ABCC4: variants seen among roughly 807,000 people sequenced by gnomAD.
The protein encoded by ABCC4 is ATP-binding cassette sub-family C member 4.
Under a neutral mutation model 168.5 loss-of-function variants are expected in ABCC4, and 102 were observed. The observed-to-expected ratio is 0.61, with a 90% CI of 0.52 to 0.71. The LOEUF (loss-of-function observed/expected upper bound fraction) is 0.71. ABCC4 is among the 30% of genes least tolerant of loss of function. The pLI is 0.00. For synonymous variants in ABCC4, 617 were observed against 590.7 expected, an observed-to-expected ratio of 1.04 and a Z score of -0.65; for missense variants, 1,402 against 1,605.8, an observed-to-expected ratio of 0.87 and a Z score of 2.17.
chr13:95,116,042 T>C (rs1163226235), intron 19 of ABCC4, 41 bp from the exon 20 acceptor site: 9 of 1,456,920 alleles, frequency 6.2e-6, no homozygotes, highest in East Asian at 2.3e-5. Context: ...TTTCCCCAGA[T>C]AGACCCTTTA....
chr13:95,276,470 G>A (rs2040973662), intron 1 of ABCC4, among the ~76,000 whole-genome samples: 1 of 143,990 alleles, frequency 6.9e-6, no homozygotes, highest in Admixed American at 7.1e-5. Flanking sequence ...TCATACCACT[G>A]CACACTAGCC....
intron 4 of ABCC4, among the ~76,000 whole-genome samples, chr13:95,222,892 C>T (rs2039346071): frequency 6.6e-6 from 1 of 152,118 alleles, no homozygotes; most frequent in Non-Finnish European, 1.5e-5. Context: ...GGGCAGAGGC[C>T]ACAGATGCTG....
At position 95,301,379 on chromosome 13, in the gene ABCC4, G is replaced by C. The variant is rs1441686540; in HGVS notation, c.-65C>G. 3 of 1,421,532 alleles carry C rather than the reference G, an allele frequency of 2.1e-6. No individual in the cohort carries two copies. The highest frequency in any genetic ancestry group is 2.8e-6 in the Non-Finnish European group (3 of 1,053,104). The allele number at this position is 1,421,532 out of a possible 1,614,324, so 88.1% of individuals were successfully genotyped here. ...TCAGGCGGCGGTGGCCGCGGGCTCC[G>C]CTCCTGGACCTCAAGCAGGGATGCT... On this transcript the variant is annotated 5_prime_UTR_variant, in exon 1 of 31. Coordinates refer to ENST00000645237, the MANE Select transcript of ABCC4 (RefSeq NM_005845.5).
chr13:95,173,741 GC>G (rs2037562484), intron 13 of ABCC4, among the ~76,000 whole-genome samples: 1 of 152,166 alleles, frequency 6.6e-6, no homozygotes, highest in African/African-American at 2.4e-5. Flanking sequence ...AATGTTTGTG[GC>G]CCTCCCCAAA....
chr13:95,088,436 T>C (rs1398377891), intron 20 of ABCC4, among the ~76,000 whole-genome samples: 1 of 152,164 alleles, frequency 6.6e-6, no homozygotes, highest in Admixed American at 6.5e-5. Context: ...CTATAGCCAA[T>C]AACTGCATAA....
intron 11 of ABCC4, among the ~76,000 whole-genome samples, chr13:95,185,258 A>G (rs2038022070): frequency 6.6e-6 from 1 of 152,206 alleles, no homozygotes; most frequent in Non-Finnish European, 1.5e-5. Flanking sequence ...AGACAGAGAA[A>G]AAAAAATAAG....
At chr13:95,159,370 C>T (rs2037010909) in intron 19 of ABCC4, among the ~76,000 whole-genome samples, 1 of 151,758 alleles carries the variant, frequency 6.6e-6, no homozygotes, top group Non-Finnish European at 1.5e-5. Context: ...CTTATTTGGG[C>T]TTCTATTTTG....
At chr13:95,074,354 G>A (rs1233338052) in intron 22 of ABCC4, 30 bp from the exon 23 acceptor site, 1 of 1,537,084 alleles carries the variant, frequency 6.5e-7, no homozygotes, top group East Asian at 2.3e-5. Flanking sequence ...TAAGCATGAT[G>A]AATAAGTAGA....
intron 3 of ABCC4, among the ~76,000 whole-genome samples, chr13:95,243,703 A>C (rs1292533594): frequency 2.0e-5 from 3 of 152,070 alleles, no homozygotes; most frequent in Admixed American, 6.5e-5. Flanking sequence ...CCCGGACAAC[A>C]TGGTAAAACC....
intron 1 of ABCC4, among the ~76,000 whole-genome samples, chr13:95,297,173 A>C (rs936757646): frequency 2.6e-5 from 4 of 151,882 alleles, no homozygotes; most frequent in African/African-American, 4.8e-5. Context: ...TGGGAGTCTG[A>C]AGCAGGAGAA....
chr13:95,164,037 T>C (rs2037186011), intron 16 of ABCC4, among the ~76,000 whole-genome samples: 1 of 74,198 alleles, frequency 1.3e-5, no homozygotes. Context: ...CAAAACTCCA[T>C]CTCAAAAAAA....
At chr13:95,076,265 C>G (rs1006483492) in intron 21 of ABCC4, among the ~76,000 whole-genome samples, 1 of 152,134 alleles carries the variant, frequency 6.6e-6, no homozygotes, top group Admixed American at 6.5e-5. Context: ...AGGAACCGGA[C>G]AGATGTTTTT....
At chr13:95,090,950 A>G (rs968821328) in intron 20 of ABCC4, among the ~76,000 whole-genome samples, 1 of 152,186 alleles carries the variant, frequency 6.6e-6, no homozygotes, top group African/African-American at 2.4e-5. Flanking sequence ...AATTCGAGAG[A>G]CATTGGACAC....
intron 27 of ABCC4, among the ~76,000 whole-genome samples, chr13:95,048,601 T>C (rs2032693674): frequency 1.3e-5 from 2 of 151,984 alleles, no homozygotes; most frequent in African/African-American, 4.8e-5. Flanking sequence ...CTGGGAAAAA[T>C]GGAGGTGCAA....
intron 1 of ABCC4, among the ~76,000 whole-genome samples, chr13:95,281,299 C>CAAA (rs10541756): frequency 2.5e-4 from 12 of 48,712 alleles, no homozygotes; most frequent in South Asian, 1.1e-3. Context: ...GAGACTCTCT[C>CAAA]AAAAAAAAAA....
chr13:95,133,567 C>G (rs1260143478), intron 19 of ABCC4, among the ~76,000 whole-genome samples: 5 of 152,270 alleles, frequency 3.3e-5, no homozygotes, highest in African/African-American at 1.2e-4. Flanking sequence ...GAGGAGGTAC[C>G]TGCTGTGGTA....
chr13:95,144,363 C>T (rs533174066), intron 19 of ABCC4, among the ~76,000 whole-genome samples: 4 of 151,942 alleles, frequency 2.6e-5, no homozygotes, highest in African/African-American at 9.7e-5. Flanking sequence ...GAGGCCTACT[C>T]TCACTACACC....
At chr13:95,135,462 G>T (rs1225496018) in intron 19 of ABCC4, among the ~76,000 whole-genome samples, 1 of 150,858 alleles carries the variant, frequency 6.6e-6, no homozygotes, top group Admixed American at 6.6e-5. Context: ...GGCCAGGCTG[G>T]AGTATAGCTG....
chr13:95,037,827 C>T (rs2032186653), intron 29 of ABCC4, among the ~76,000 whole-genome samples: 1 of 152,168 alleles, frequency 6.6e-6, no homozygotes, highest in South Asian at 2.1e-4. Context: ...AAATTATTTA[C>T]TGTGTGCCTG....
Sources: allele counts gnomAD v4.1 joint callset (sites outside exome capture counted in the v4.1 genomes callset), GRCh38; gene constraint gnomAD v4.1.1; transcripts MANE v1.5; gene names NCBI Gene and HGNC (gene_info 2026-07-23, HGNC 2026-07-21).